C12orf42: variants seen among roughly 807,000 people sequenced by gnomAD.
The protein encoded by C12orf42 is chromosome 12 open reading frame 42, also known as uncharacterized protein C12orf42.
In C12orf42, 25 loss-of-function variants were observed where a neutral mutation model predicts 21.6. The ratio of observed to expected loss-of-function variants is 1.16; its 90% CI spans 0.84 to 1.62. C12orf42 has a LOEUF of 1.62. Among genes scored for constraint, C12orf42 ranks in the 40% most tolerant of loss-of-function variants. The pLI is 0.00. For synonymous variants in C12orf42, 174 were observed against 175.0 expected (o/e 0.99, Z 0.05); for missense variants, 483 against 459.3 (o/e 1.05, Z -0.47).
chr12:103,482,598 G>A lies in C12orf42; in HGVS notation c.-21-4151C>T, dbSNP rs533148005. ...TCTAGATGTGAATTGTTTTTTATGC[G>A]TACTGTCTGTGATTTGCTGGACTTC... On this transcript the variant is annotated intron_variant, in intron 1 of 5. Coordinates refer to ENST00000548883, the MANE Select transcript of C12orf42 (RefSeq NM_198521.5). Among the ~76,000 whole-genome samples, 14 of 151,984 alleles carry A rather than the reference G, an allele frequency of 9.2e-5. No homozygotes were observed. In the South Asian group the frequency reaches 1.7e-3, roughly 18 times the overall value.
chr12:103,424,334 T>C (rs959514385), intron 2 of C12orf42, among the ~76,000 whole-genome samples: 6 of 152,236 alleles, frequency 3.9e-5, no homozygotes, highest in African/African-American at 1.4e-4. Context: ...TGATCTCCTA[T>C]CAGCTAATAA....
chr12:103,081,992 A>G, the C12orf42 span, among the ~76,000 whole-genome samples: 6 of 152,202 alleles, frequency 3.9e-5, no homozygotes, highest in Admixed American at 6.5e-5. Context: ...GTTTGTTTCT[A>G]CAAAAAGCTC....
intron 1 of C12orf42, among the ~76,000 whole-genome samples, chr12:103,493,722 C>CA (rs34431365): frequency 0.011 from 1,167 of 103,636 alleles, 11 homozygotes; most frequent in African/African-American, 0.027. Flanking sequence ...AAAGGGGAGA[C>CA]AAAAAAAAAA....
chr12:103,172,146 C>T, the C12orf42 span, among the ~76,000 whole-genome samples: 5 of 152,014 alleles, frequency 3.3e-5, no homozygotes, highest in Non-Finnish European at 7.4e-5. Flanking sequence ...GAGGGAGGCT[C>T]CTCCTGCCTA....
chr12:103,151,368 C>G, the C12orf42 span, among the ~76,000 whole-genome samples: 1 of 152,100 alleles, frequency 6.6e-6, no homozygotes, highest in South Asian at 2.1e-4. Flanking sequence ...AGAAAGAATA[C>G]TTTCCAGCAC....
chr12:103,325,746 A>T (rs1215706824), intron 4 of C12orf42, among the ~76,000 whole-genome samples: 1 of 152,190 alleles, frequency 6.6e-6, no homozygotes, highest in Non-Finnish European at 1.5e-5. Flanking sequence ...ACATTGCCCC[A>T]TATTAAGATA....
the C12orf42 span, among the ~76,000 whole-genome samples, chr12:103,089,134 C>T: frequency 7.5e-6 from 1 of 134,046 alleles, no homozygotes; most frequent in Non-Finnish European, 1.6e-5. Flanking sequence ...AGAATCAACT[C>T]GGCAACCCCT....
intron 3 of C12orf42, among the ~76,000 whole-genome samples, chr12:103,394,972 C>T (rs2047392180): frequency 6.6e-6 from 1 of 152,226 alleles, no homozygotes; most frequent in Non-Finnish European, 1.5e-5. Context: ...CACCAGAGTG[C>T]CTCCAGTACC....
the C12orf42 span, among the ~76,000 whole-genome samples, chr12:103,521,527 T>C: frequency 2.0e-5 from 3 of 152,132 alleles, no homozygotes; most frequent in Middle Eastern, 3.4e-3. Context: ...CTGGGGCCTG[T>C]TGGGGTGAGT....
the C12orf42 span, among the ~76,000 whole-genome samples, chr12:103,539,384 A>AGG: frequency 3.3e-5 from 5 of 151,908 alleles, no homozygotes; most frequent in Admixed American, 2.0e-4. Context: ...ATAAGGAAAA[A>AGG]ACACCTATCA....
At chr12:103,456,662 G>A (rs185648567) in intron 2 of C12orf42, among the ~76,000 whole-genome samples, 1 of 152,262 alleles carries the variant, frequency 6.6e-6, no homozygotes, top group East Asian at 1.9e-4. Flanking sequence ...TTCCACTGAT[G>A]TCTGCCTGTA....
At chr12:103,402,227 C>T (rs561464215) in intron 2 of C12orf42, among the ~76,000 whole-genome samples, 4 of 152,228 alleles carry the variant, frequency 2.6e-5, no homozygotes, top group African/African-American at 4.8e-5. Context: ...ATCTACAATA[C>T]GTGCAATAGG....
At chr12:103,472,528 C>T (rs183096379) in intron 2 of C12orf42, among the ~76,000 whole-genome samples, 450 of 152,296 alleles carry the variant, frequency 3.0e-3, no homozygotes, top group Non-Finnish European at 4.6e-3. Context: ...CAGCCCTCAC[C>T]AGGCTCACAG....
chr12:103,429,134 G>GA (rs1333681701), intron 2 of C12orf42, among the ~76,000 whole-genome samples: 2 of 152,164 alleles, frequency 1.3e-5, no homozygotes, highest in Non-Finnish European at 2.9e-5. Flanking sequence ...TCAGGCAAGA[G>GA]AAAAAAATAA....
intron 4 of C12orf42, among the ~76,000 whole-genome samples, chr12:103,311,690 C>T (rs1358394540): frequency 6.6e-6 from 1 of 152,074 alleles, no homozygotes; most frequent in Non-Finnish European, 1.5e-5. Context: ...ACTTAAAGTC[C>T]AGAGCTTTTT....
intron 10 of C12orf42, among the ~76,000 whole-genome samples, chr12:103,251,586 T>G (rs572822084): frequency 2.0e-5 from 3 of 152,266 alleles, no homozygotes; most frequent in Non-Finnish European, 4.4e-5. Flanking sequence ...GGACAAGAGA[T>G]TGCTCAAACA....
intron 2 of C12orf42, among the ~76,000 whole-genome samples, chr12:103,415,783 C>A (rs538653989): frequency 1.4e-4 from 21 of 152,234 alleles, no homozygotes; most frequent in African/African-American, 5.1e-4. Flanking sequence ...TAATTAGGGA[C>A]AGAACACAAT....
At chr12:103,050,016 G>C in the C12orf42 span, among the ~76,000 whole-genome samples, 1 of 152,082 alleles carries the variant, frequency 6.6e-6, no homozygotes, top group Non-Finnish European at 1.5e-5. Flanking sequence ...GTTGCCCCCC[G>C]CTAAGCAATG....
At chr12:103,307,022 A>T (rs1231705734) in intron 4 of C12orf42, among the ~76,000 whole-genome samples, 3 of 152,162 alleles carry the variant, frequency 2.0e-5, no homozygotes, top group African/African-American at 7.2e-5. Context: ...CACAAGGAAG[A>T]TCCTACCCTA....
Sources: gnomAD v4.1 joint callset for allele counts (sites outside exome capture counted in the v4.1 genomes callset) on GRCh38, gnomAD v4.1.1 for gene constraint, MANE v1.5 for transcripts, NCBI Gene and HGNC (gene_info 2026-07-23, HGNC 2026-07-21) for gene names.